GPAT4: variants seen among roughly 807,000 people sequenced by gnomAD.
GPAT4 encodes the protein glycerol-3-phosphate acyltransferase 4.
In GPAT4, 17 loss-of-function variants were observed where a neutral mutation model predicts 58.0. The observed-to-expected ratio is 0.29, with a 90% confidence interval of 0.20 to 0.44. GPAT4 has a LOEUF of 0.44. GPAT4 is among the 20% of genes least tolerant of loss of function. The probability of loss-of-function intolerance (pLI) is 1.00; values close to 1 mark genes in which losing one functional copy is unlikely to be tolerated. For missense variants in GPAT4, 377 were observed against 574.5 expected, an observed-to-expected ratio of 0.66 and a Z score of 3.51; for synonymous variants, 204 against 210.1, an observed-to-expected ratio of 0.97 and a Z score of 0.25.
rs1159726659 is a variant in GPAT4 at position 41,614,952 on chromosome 8, C to A, written c.968-11C>A. ...AACAGAAATAGCATTTTATTGTCTCCTGCATTTTAGGAACCTGCATCAATA... is the reference window on the plus strand; with the variant it reads ...AACAGAAATAGCATTTTATTGTCTCATGCATTTTAGGAACCTGCATCAATA... On this transcript the variant is annotated splice_polypyrimidine_tract_variant and intron_variant, in intron 9 of 12. Transcript: ENST00000396987. 6.2e-7 allele frequency: 1 copy of A among 1,611,934 alleles called. No homozygotes were observed. Among genetic ancestry groups the A allele is most frequent in the Non-Finnish European group, 8.5e-7 (1 of 1,178,062 alleles).
chr8:41,590,715 A>G (rs1487062362), intron 1 of GPAT4, among the ~76,000 whole-genome samples: 1 of 152,210 alleles, frequency 6.6e-6, no homozygotes, highest in African/African-American at 2.4e-5. Context: ...GGCCATCAGA[A>G]CTAGGAACTA....
chr8:41,592,800 A>G (rs1278037288), intron 1 of GPAT4, among the ~76,000 whole-genome samples: 1 of 152,052 alleles, frequency 6.6e-6, no homozygotes, highest in East Asian at 1.9e-4. Context: ...TTACTTGAGG[A>G]TCCAGTCCAG....
In GPAT4 at chr8:41,621,154, G is replaced by A. The variant is rs531064910; in HGVS notation, c.*153G>A. ...GGACTCCGGCTTTCGCCGAGCCGCAGCGGGATCCCTGTGCACCCGGCGCAG... is the reference window on the plus strand; with the variant it reads ...GGACTCCGGCTTTCGCCGAGCCGCAACGGGATCCCTGTGCACCCGGCGCAG... On this transcript the variant is annotated 3_prime_UTR_variant, in exon 13 of 13. Coordinates refer to ENST00000396987, the MANE Select transcript of GPAT4 (RefSeq NM_178819.4). 3.0e-5 allele frequency: 35 copies of A among 1,161,756 alleles called. No homozygotes were observed. The African/African-American group carries it at 3.9e-4, about 13-fold the overall frequency. 72.0% of individuals were successfully genotyped at this position (1,161,756 alleles called of 1,614,324 possible).
intron 10 of GPAT4, 106 bp from the exon 11 acceptor site, chr8:41,618,578 C>G: frequency 7.0e-7 from 1 of 1,427,838 alleles, no homozygotes; most frequent in South Asian, 1.3e-5. Flanking sequence ...GGAGCAGCAC[C>G]CCAGTACCAG....
At chr8:41,599,497 G>A (rs942282571) in intron 2 of GPAT4, among the ~76,000 whole-genome samples, 193 bp downstream of exon 2, 5 of 152,140 alleles carry the variant, frequency 3.3e-5, no homozygotes, top group African/African-American at 1.2e-4. Flanking sequence ...GATTTATGCC[G>A]AGCCGAGGGA....
rs943174447 is a variant in GPAT4, at chr8:41,623,557, C to T, written c.*2556C>T. ...CTTGGCTAGATGACCTCAGAGACCT[C>T]GTCCACCTCTGAATTCTCTGTTTTT... On this transcript the variant is annotated 3_prime_UTR_variant, in exon 13 of 13. Transcript: ENST00000396987. 15 of 152,176 alleles carry T rather than the reference C, an allele frequency of 9.9e-5. No individual in the cohort carries two copies. The highest frequency in any genetic ancestry group is 3.4e-4 in the African/African-American group (14 of 41,438). 9.4% of individuals were successfully genotyped at this position (152,176 alleles called of 1,614,324 possible). A position where few individuals can be genotyped will look rare whatever the true frequency, so the allele number is the denominator to read the frequency against.
intron 2 of GPAT4, among the ~76,000 whole-genome samples, chr8:41,605,540 G>T (rs1177969492): frequency 7.1e-6 from 1 of 141,720 alleles, no homozygotes; most frequent in African/African-American, 2.6e-5. Flanking sequence ...ATCATTGAAG[G>T]TTGTGTTTTG....
chr8:41,610,104 A>G (rs908645965), intron 4 of GPAT4, 149 bp downstream of exon 4: 14 of 1,454,992 alleles, frequency 9.6e-6, no homozygotes, highest in Non-Finnish European at 1.2e-5. Context: ...GGAGGGATAC[A>G]CTGGTGATTC....
At chr8:41,590,449 G>C (rs1487197253) in intron 1 of GPAT4, among the ~76,000 whole-genome samples, 1 of 152,196 alleles carries the variant, frequency 6.6e-6, no homozygotes, top group African/African-American at 2.4e-5. Flanking sequence ...CAGAGCAGGG[G>C]CCTGGAGACG....
chr8:41,579,564 G>C (rs1802455381), intron 1 of GPAT4, among the ~76,000 whole-genome samples: 1 of 150,918 alleles, frequency 6.6e-6, no homozygotes, highest in Non-Finnish European at 1.5e-5. Flanking sequence ...ATGGCCGGGC[G>C]TGGTGACTCA....
chr8:41,607,408 G>A (rs973929073), intron 2 of GPAT4, among the ~76,000 whole-genome samples: 2 of 152,162 alleles, frequency 1.3e-5, no homozygotes, highest in African/African-American at 4.8e-5. Flanking sequence ...GCCTGCAGGC[G>A]TCTTGAATTT....
intron 1 of GPAT4, among the ~76,000 whole-genome samples, chr8:41,587,700 A>G (rs954763468): frequency 2.0e-5 from 3 of 152,192 alleles, no homozygotes; most frequent in Non-Finnish European, 4.4e-5. Context: ...CCCTGTAGAT[A>G]TTGCCAGATG....
chr8:41,612,405 G>A, intron 7 of GPAT4, 132 bp downstream of exon 7: 2 of 838,266 alleles, frequency 2.4e-6, no homozygotes. Flanking sequence ...TGTCACTGTG[G>A]GGGCTCTGTG....
rs1371494441 is a variant in GPAT4 at position 41,610,055 on chromosome 8, G to A, written c.536+100G>A. On this transcript the variant is annotated intron_variant, in intron 4 of 12. Coordinates refer to ENST00000396987, the MANE Select transcript of GPAT4 (RefSeq NM_178819.4). ...TGTGTATTCCCGTTTTAGAAAGGAG[G>A]AGGGAATGACTGTCGTTAGCCAGGC... 2.6e-6 allele frequency: 4 copies of A among 1,511,540 alleles called. No individual in the cohort carries two copies. In the East Asian group the frequency reaches 9.1e-5, roughly 34 times the overall value. The allele number at this position is 1,511,540 out of a possible 1,614,324, so 93.6% of individuals were successfully genotyped here. A position where few individuals can be genotyped will look rare whatever the true frequency, so the allele number is the denominator to read the frequency against.
In GPAT4 at chr8:41,621,117, C is replaced by A; in HGVS notation, c.*116C>A. ...CCAGACTCCAGGGCTCCCCGGGCTG[C>A]TCTGGATCCCAGGACTCCGGCTTTC... On this transcript the variant is annotated 3_prime_UTR_variant, in exon 13 of 13. Transcript: ENST00000396987. 1.4e-6 allele frequency: 2 copies of A among 1,411,840 alleles called. No homozygotes were observed. Among genetic ancestry groups the A allele is most frequent in the Non-Finnish European group, 1.9e-6 (2 of 1,051,900 alleles). The allele number at this position is 1,411,840 out of a possible 1,614,324, so 87.5% of individuals were successfully genotyped here.
chr8:41,587,359 G>C (rs1372547408), intron 1 of GPAT4, among the ~76,000 whole-genome samples: 1 of 152,080 alleles, frequency 6.6e-6, no homozygotes, highest in Non-Finnish European at 1.5e-5. Flanking sequence ...ATTACTTCTT[G>C]GGAAATACAT....
intron 1 of GPAT4, among the ~76,000 whole-genome samples, chr8:41,596,465 C>G (rs530928706): frequency 6.6e-6 from 1 of 152,350 alleles, no homozygotes; most frequent in East Asian, 1.9e-4. Flanking sequence ...CGCTTCCACT[C>G]AAATGGAGTG....
intron 1 of GPAT4, among the ~76,000 whole-genome samples, chr8:41,590,682 A>G (rs2150485496): frequency 6.6e-6 from 1 of 152,318 alleles, no homozygotes; most frequent in South Asian, 2.1e-4. Flanking sequence ...GACAGTGTGA[A>G]AGTGGAAGGA....
At chr8:41,593,629 C>T (rs982301750) in intron 1 of GPAT4, among the ~76,000 whole-genome samples, 11 of 152,164 alleles carry the variant, frequency 7.2e-5, no homozygotes, top group Non-Finnish European at 1.3e-4. Context: ...GCTGTACGAA[C>T]AGCAGTCTCT....
Sources: allele counts gnomAD v4.1 joint callset (sites outside exome capture counted in the v4.1 genomes callset), GRCh38; gene constraint gnomAD v4.1.1; transcripts MANE v1.5; gene names NCBI Gene and HGNC (gene_info 2026-07-23, HGNC 2026-07-21).